The following TNKS variants were observed in gnomAD, a reference collection of about 807,000 sequenced individuals.
The protein encoded by TNKS is tankyrase, also known as poly [ADP-ribose] polymerase tankyrase-1.
Under a neutral mutation model 135.8 loss-of-function variants are expected in TNKS, and 72 were observed. That is an observed-to-expected ratio of 0.53 (90% CI 0.44 to 0.64). TNKS has a LOEUF of 0.64. Among genes scored for constraint, TNKS ranks in the 30% least tolerant of loss-of-function variants. The probability of loss-of-function intolerance (pLI) is 0.00; values close to 1 mark genes in which losing one functional copy is unlikely to be tolerated. For synonymous variants in TNKS, 849 were observed against 649.3 expected (o/e 1.31, Z -4.68); for missense variants, 1,769 against 1,674.0 (o/e 1.06, Z -0.99).
chr8:9,608,169 A>G (rs768758606), intron 2 of TNKS, among the ~76,000 whole-genome samples: 41 of 152,070 alleles, frequency 2.7e-4, no homozygotes, highest in Non-Finnish European at 5.3e-4. Context: ...TTAAACTCCT[A>G]GGCTTAAGCA....
intron 3 of TNKS, among the ~76,000 whole-genome samples, chr8:9,675,384 C>A (rs138004114): frequency 6.6e-6 from 1 of 152,140 alleles, no homozygotes; most frequent in Non-Finnish European, 1.5e-5. Context: ...ATAAGAGTCC[C>A]CACATTAACC....
intron 1 of TNKS, among the ~76,000 whole-genome samples, chr8:9,573,028 A>G (rs1797816481): frequency 7.2e-6 from 1 of 138,318 alleles, no homozygotes; most frequent in South Asian, 2.3e-4. Flanking sequence ...TATTTATGTT[A>G]TATGTATATA....
At chr8:9,598,588 C>G (rs553431167) in intron 2 of TNKS, among the ~76,000 whole-genome samples, 34 of 150,470 alleles carry the variant, frequency 2.3e-4, no homozygotes, top group African/African-American at 7.8e-4. Context: ...CCTAGCTACT[C>G]GGGAGGCTGA....
intron 17 of TNKS, among the ~76,000 whole-genome samples, chr8:9,740,050 T>A (rs1585399735): frequency 2.7e-5 from 1 of 37,660 alleles, no homozygotes; most frequent in Admixed American, 4.1e-4. Flanking sequence ...AAACTTAGAG[T>A]ATAATAAAAA....
intron 3 of TNKS, among the ~76,000 whole-genome samples, chr8:9,675,614 T>C (rs1802499774): frequency 6.6e-6 from 1 of 152,186 alleles, no homozygotes; most frequent in South Asian, 2.1e-4. Context: ...TTGATGAACA[T>C]TTTTTGCTTG....
At chr8:9,558,915 A>G (rs549115042) in intron 1 of TNKS, 4 of 152,290 alleles carry the variant, frequency 2.6e-5, no homozygotes, top group African/African-American at 7.2e-5. Context: ...TTTATCATGT[A>G]TAGGCTGAGA....
chr8:9,623,284 C>G (rs1799932884), intron 3 of TNKS, among the ~76,000 whole-genome samples: 1 of 152,110 alleles, frequency 6.6e-6, no homozygotes. Context: ...GGTGTTTGAT[C>G]TATTGATAGG....
chr8:9,686,915 G>A (rs1021535592), intron 5 of TNKS, among the ~76,000 whole-genome samples: 9 of 151,666 alleles, frequency 5.9e-5, no homozygotes, highest in African/African-American at 1.7e-4. Flanking sequence ...AGTACCTTTC[G>A]ACTCTAACAT....
Position 9,763,261 on chromosome 8 carries a change from A to G in TNKS, c.3372+17A>G. ...GAAGAAGAGGTAATATACATCAGAA[A>G]TCTTTCATTTGCTTTTCTTGAAATC... On this transcript the variant is annotated intron_variant, in intron 22 of 26. Coordinates refer to ENST00000310430, the MANE Select transcript of TNKS (RefSeq NM_003747.3). 2.0e-6 allele frequency: 3 copies of G among 1,505,176 alleles called. No homozygotes were observed. Among genetic ancestry groups the G allele is most frequent in the South Asian group, 1.2e-5 (1 of 80,340 alleles). 93.2% of individuals were successfully genotyped at this position (1,505,176 alleles called of 1,614,324 possible).
chr8:9,662,633 A>G (rs1331706440), intron 3 of TNKS, among the ~76,000 whole-genome samples: 1 of 152,170 alleles, frequency 6.6e-6, no homozygotes, highest in African/African-American at 2.4e-5. Flanking sequence ...ATTAGGAGAT[A>G]CACCTAATGC....
intron 11 of TNKS, among the ~76,000 whole-genome samples, 185 bp from the exon 12 acceptor site, chr8:9,720,189 G>T (rs1804802902): frequency 6.6e-6 from 1 of 152,198 alleles, no homozygotes; most frequent in African/African-American, 2.4e-5. Context: ...AAGGTGATCA[G>T]AGAAGGGTAA....
At chr8:9,720,995 T>C (rs897420652) in intron 12 of TNKS, among the ~76,000 whole-genome samples, 1 of 152,076 alleles carries the variant, frequency 6.6e-6, no homozygotes, top group Non-Finnish European at 1.5e-5. Context: ...TTAAATATAA[T>C]TATAGGCCGG....
At chr8:9,754,695 C>G (rs112504022) in intron 20 of TNKS, among the ~76,000 whole-genome samples, 2,302 of 152,210 alleles carry the variant, frequency 0.015, 33 homozygotes, top group African/African-American at 0.037. Context: ...ACCTGTAAAA[C>G]CTAATGCTTA....
At chr8:9,673,399 A>G (rs1409851052) in intron 3 of TNKS, among the ~76,000 whole-genome samples, 1 of 151,860 alleles carries the variant, frequency 6.6e-6, no homozygotes, top group Non-Finnish European at 1.5e-5. Flanking sequence ...AAAAATTTTA[A>G]TATAGGATAA....
chr8:9,681,687 G>A (rs182422807), intron 5 of TNKS, among the ~76,000 whole-genome samples: 39 of 152,012 alleles, frequency 2.6e-4, no homozygotes, highest in Admixed American at 1.0e-3. Flanking sequence ...AAAATGTTAC[G>A]GCAAATATCA....
chr8:9,623,137 C>T (rs576527771), intron 3 of TNKS, among the ~76,000 whole-genome samples: 1 of 152,270 alleles, frequency 6.6e-6, no homozygotes, highest in East Asian at 1.9e-4. Flanking sequence ...ACTGAAACCA[C>T]AGAAAGGGAA....
intron 11 of TNKS, among the ~76,000 whole-genome samples, chr8:9,710,856 AC>A (rs1163174777): frequency 6.6e-6 from 1 of 152,188 alleles, no homozygotes; most frequent in African/African-American, 2.4e-5. Flanking sequence ...AGATTGCGCC[AC>A]TACACTCCAG....
At chr8:9,611,725 C>T (rs2128763802) in intron 2 of TNKS, among the ~76,000 whole-genome samples, 1 of 152,244 alleles carries the variant, frequency 6.6e-6, no homozygotes. Flanking sequence ...CACATAAATC[C>T]CCATAGAGAA....
chr8:9,599,301 T>C (rs1798924134), intron 2 of TNKS, among the ~76,000 whole-genome samples: 1 of 152,212 alleles, frequency 6.6e-6, no homozygotes, highest in Admixed American at 6.5e-5. Context: ...AGATTCTCAT[T>C]GGGATACGAG....
Sources: gnomAD v4.1 joint callset for allele counts (sites outside exome capture counted in the v4.1 genomes callset) on GRCh38, gnomAD v4.1.1 for gene constraint, MANE v1.5 for transcripts, NCBI Gene and HGNC (gene_info 2026-07-23, HGNC 2026-07-21) for gene names.